Variants in GRID1 observed in about 807,000 individuals in gnomAD.
The protein encoded by GRID1 is glutamate ionotropic receptor delta type subunit 1.
A neutral mutation model predicts 98.0 loss-of-function variants in GRID1; 28 were observed. That is an observed-to-expected ratio of 0.29 (90% CI 0.21 to 0.39). The LOEUF is 0.39. GRID1 is among the 10% of genes least tolerant of loss of function. The pLI, the probability that GRID1 is intolerant of heterozygous loss-of-function variation, is 1.00. For missense variants in GRID1, 1,111 were observed against 1,340.5 expected, an observed-to-expected ratio of 0.83 and a Z score of 2.67; for synonymous variants, 553 against 538.5, an observed-to-expected ratio of 1.03 and a Z score of -0.37.
intron 3 of GRID1, among the ~76,000 whole-genome samples, chr10:86,175,860 C>T (rs1845569064): frequency 6.6e-6 from 1 of 152,214 alleles, no homozygotes; most frequent in African/African-American, 2.4e-5. Context: ...CAGGCATGCG[C>T]CACCATGCCT....
chr10:86,325,080 T>C (rs541786426), intron 2 of GRID1, among the ~76,000 whole-genome samples: 3 of 152,294 alleles, frequency 2.0e-5, no homozygotes, highest in African/African-American at 7.2e-5. Flanking sequence ...AAATTAACAA[T>C]AATTGAAGGG....
intron 4 of GRID1, among the ~76,000 whole-genome samples, chr10:86,075,893 C>A (rs2131925273): frequency 6.6e-6 from 1 of 152,328 alleles, no homozygotes; most frequent in South Asian, 2.1e-4. Context: ...ACTGGGCCTC[C>A]CCAGCACACG....
At chr10:85,942,935 C>G (rs915043769) in intron 4 of GRID1, among the ~76,000 whole-genome samples, 4 of 152,200 alleles carry the variant, frequency 2.6e-5, no homozygotes, top group Non-Finnish European at 5.9e-5. Context: ...TACATACTTT[C>G]TACAATATTC....
intron 12 of GRID1, among the ~76,000 whole-genome samples, chr10:85,685,249 T>C (rs1402259658): frequency 6.6e-6 from 1 of 152,176 alleles, no homozygotes; most frequent in African/African-American, 2.4e-5. Context: ...TTAAAATCAA[T>C]ACACAAAATC....
intron 3 of GRID1, among the ~76,000 whole-genome samples, chr10:86,198,686 G>C (rs910677976): frequency 6.6e-6 from 1 of 152,176 alleles, no homozygotes; most frequent in African/African-American, 2.4e-5. Context: ...GCGGAGCTGG[G>C]ATTCAACAAG....
At chr10:85,994,469 G>A (rs1046107334) in intron 4 of GRID1, among the ~76,000 whole-genome samples, 1 of 152,186 alleles carries the variant, frequency 6.6e-6, no homozygotes, top group Non-Finnish European at 1.5e-5. Context: ...TCACACACCT[G>A]GAATTAGATG....
chr10:85,795,540 T>C (rs1213067340), intron 8 of GRID1, among the ~76,000 whole-genome samples: 1 of 152,218 alleles, frequency 6.6e-6, no homozygotes, highest in Non-Finnish European at 1.5e-5. Flanking sequence ...TTATTTTTCA[T>C]TTATCATCTA....
chr10:85,970,978 TAA>T (rs1384489714), intron 4 of GRID1, among the ~76,000 whole-genome samples: 1 of 152,014 alleles, frequency 6.6e-6, no homozygotes, highest in Non-Finnish European at 1.5e-5. Context: ...GGCTAATAAA[TAA>T]ATTCTGCAAG....
chr10:85,813,281 T>G (rs188901625), intron 8 of GRID1, among the ~76,000 whole-genome samples: 1 of 151,566 alleles, frequency 6.6e-6, no homozygotes, highest in Non-Finnish European at 1.5e-5. Flanking sequence ...AAGAAAACCA[T>G]GTCTACATAC....
chr10:86,291,410 C>T (rs1847510295), intron 2 of GRID1, among the ~76,000 whole-genome samples: 1 of 152,146 alleles, frequency 6.6e-6, no homozygotes, highest in African/African-American at 2.4e-5. Flanking sequence ...TGAGTCACTC[C>T]CAGGGAAGGC....
chr10:85,878,164 G>A lies in GRID1; in HGVS notation c.781-8984C>T, dbSNP rs531708989. Among the ~76,000 whole-genome samples the A allele has an allele frequency of 9.6e-4, 146 of 152,258 alleles. 1 individual carries two copies. In the Middle Eastern group the frequency reaches 0.01, roughly 11 times the overall value. On this transcript the variant is annotated intron_variant, in intron 5 of 15. Transcript: ENST00000327946. ...TCTGATTGGTGTACCTGAAAGTGAC[G>A]GGGAGAATGGAACCAAGTTGGAAAA...
Position 85,752,212 on chromosome 10 carries a change from GC to G in GRID1, c.1234-22599del, listed in dbSNP as rs1401665469. On this transcript the variant is annotated intron_variant, in intron 8 of 15. Transcript: ENST00000327946. Reference sequence around the variant, plus strand: ...TGGTGGGAAACACATCCCAGAGCTGGCCCTGAGTTCACAGTCTTGGAGACAC... The same window carrying G: ...TGGTGGGAAACACATCCCAGAGCTGGCCTGAGTTCACAGTCTTGGAGACAC... 5.9e-5 allele frequency among the ~76,000 whole-genome samples: 9 copies of G among 152,084 alleles called. No individual in the cohort carries two copies. In the East Asian group the frequency reaches 1.7e-3, roughly 29 times the overall value.
chr10:85,780,116 G>A (rs971977217), intron 8 of GRID1, among the ~76,000 whole-genome samples: 23 of 152,142 alleles, frequency 1.5e-4, no homozygotes, highest in African/African-American at 4.8e-4. Flanking sequence ...GCTCTACCTC[G>A]CACCATGCTT....
intron 4 of GRID1, among the ~76,000 whole-genome samples, chr10:85,964,470 C>T (rs1376010303): frequency 1.3e-5 from 2 of 151,978 alleles, no homozygotes; most frequent in Non-Finnish European, 2.9e-5. Flanking sequence ...AGAATAGAGG[C>T]CTCAGAAATA....
intron 4 of GRID1, among the ~76,000 whole-genome samples, chr10:86,126,610 TG>T (rs1340954319): frequency 6.6e-6 from 1 of 152,224 alleles, no homozygotes; most frequent in African/African-American, 2.4e-5. Flanking sequence ...ACAGTATATA[TG>T]CAATAAATCA....
At position 86,357,300 on chromosome 10, in the gene GRID1, G is replaced by C. The variant is rs1247846751; in HGVS notation, c.235+6641C>G. ...GCCTTCCTGGGCCCAATGCCTGTCA[G>C]AAAGGACAGTATCCCAGAGGAAGGG... On this transcript the variant is annotated intron_variant, in intron 2 of 15. Transcript: ENST00000327946. Among the ~76,000 whole-genome samples, 3 of 152,354 alleles carry C rather than the reference G, an allele frequency of 2.0e-5. No homozygotes were observed. The East Asian group carries it at 5.8e-4, about 29-fold the overall frequency.
At chr10:86,037,523 TTA>T (rs1482413162) in intron 4 of GRID1, among the ~76,000 whole-genome samples, 1 of 152,202 alleles carries the variant, frequency 6.6e-6, no homozygotes, top group African/African-American at 2.4e-5. Context: ...ATTGCTACTA[TTA>T]TTCTAAGATG....
chr10:86,139,468 G>A (rs533250114), intron 3 of GRID1, among the ~76,000 whole-genome samples: 11 of 152,264 alleles, frequency 7.2e-5, no homozygotes, highest in Non-Finnish European at 1.3e-4. Context: ...ACTGGAGCGG[G>A]CCTGGCCTCA....
In GRID1 at chr10:85,602,412, A is replaced by C; in HGVS notation, c.2891T>G (p.Met964Arg). 6.2e-7 allele frequency: 1 copy of C among 1,614,000 alleles called. No homozygotes were observed. Among genetic ancestry groups the C allele is most frequent in the East Asian group, 2.2e-5 (1 of 44,854 alleles). ...PLSSSATMPS[M>R]QCKHRSPNGG... ...GTTGGGTGACCTGTGTTTGCACTGC[A>C]TGGAGGGCATGGTCGCCGAGCTGCT... Residue 964 changes from methionine to arginine, a missense_variant, in exon 16 of 16, where the codon ATG becomes AGG. Coordinates refer to ENST00000327946, the MANE Select transcript of GRID1 (RefSeq NM_017551.3).
Sources: allele counts gnomAD v4.1 joint callset (sites outside exome capture counted in the v4.1 genomes callset), GRCh38; gene constraint gnomAD v4.1.1; transcripts MANE v1.5; gene names NCBI Gene and HGNC (gene_info 2026-07-23, HGNC 2026-07-21).